The following DLG5 variants were observed in gnomAD, a reference collection of about 807,000 sequenced individuals.
The protein encoded by DLG5 is disks large homolog 5.
Under a neutral mutation model 189.8 loss-of-function variants are expected in DLG5, and 48 were observed. The observed-to-expected ratio is 0.25, with a 90% CI of 0.20 to 0.32. The LOEUF (loss-of-function observed/expected upper bound fraction) is 0.32, where lower values mean the gene tolerates loss of function less well. DLG5 is among the 10% of genes least tolerant of loss of function. DLG5 has a pLI of 1.00. For missense variants in DLG5, 2,160 were observed against 2,544.7 expected (o/e 0.85, Z 3.25); for synonymous variants, 1,016 against 1,054.1 (o/e 0.96, Z 0.70).
At chr10:77,824,302 C>T (rs147724226) in intron 14 of DLG5, 82 bp downstream of exon 14, 12,010 of 1,062,638 alleles carry the variant, frequency 0.011, 97 homozygotes, top group Non-Finnish European at 0.014. Context: ...ATCCTGTGAC[C>T]CCAAGGAGTA....
rs371263759 is a variant in DLG5 at position 77,842,705 on chromosome 10, A to C, written c.1125-512T>G. 9.2e-5 allele frequency among the ~76,000 whole-genome samples: 14 copies of C among 152,300 alleles called. No individual in the cohort carries two copies. The South Asian group carries it at 1.4e-3, about 16-fold the overall frequency. ...CCATGGCTCCAGACCAGCAATTCTC[A>C]GTGTGCTCCATAGACACCGGTTCTG... On this transcript the variant is annotated intron_variant, in intron 6 of 31. Coordinates refer to ENST00000372391, the MANE Select transcript of DLG5 (RefSeq NM_004747.4).
intron 27 of DLG5, among the ~76,000 whole-genome samples, chr10:77,797,035 G>A (rs1366658410): frequency 6.6e-6 from 1 of 152,194 alleles, no homozygotes; most frequent in Non-Finnish European, 1.5e-5. Flanking sequence ...TAGAACAGGT[G>A]AGTGCTGTGA....
At chr10:77,850,694 C>T (rs544705856) in intron 5 of DLG5, among the ~76,000 whole-genome samples, 1 of 152,262 alleles carries the variant, frequency 6.6e-6, no homozygotes, top group African/African-American at 2.4e-5. Context: ...AGATTTAAAC[C>T]CAGACTTGAC....
chr10:77,795,667 C>T (rs1305025350), intron 29 of DLG5, among the ~76,000 whole-genome samples: 2 of 151,844 alleles, frequency 1.3e-5, no homozygotes. Context: ...GGGGCAGGGA[C>T]CCTGAGGGAA....
At position 77,806,869 on chromosome 10, in the gene DLG5, A is replaced by G; in HGVS notation, c.4856T>C (p.Ile1619Thr). The G allele has an allele frequency of 6.2e-7, 1 of 1,614,038 alleles. No individual in the cohort carries two copies. Among genetic ancestry groups the G allele is most frequent in the Non-Finnish European group, 8.5e-7 (1 of 1,179,968 alleles). ...GGGTAAGGTGTCATCCACGTAGAGG[A>G]TGTCGTCCTTCTTAAAGCTCAACTC... ...EQELSFKKDD[I>T]LYVDDTLPQG... is the part of the protein sequence containing the mutation. Residue 1619 changes from isoleucine to threonine, a missense_variant, in exon 26 of 32, where the codon ATC becomes ACC. Physicochemically the swap from Ile to Thr is moderately conservative, Grantham distance 89 (BLOSUM62 -1). Coordinates refer to ENST00000372391, the MANE Select transcript of DLG5 (RefSeq NM_004747.4).
rs763924214 is a variant in DLG5, at chr10:77,834,005, G to C, written c.1657C>G (p.Arg553Gly). ...LCDNLRRERD[R>G]AVSELAEALR... Reference sequence around the variant, plus strand: ...GCCTCAGCCAGCTCGCTCACCGCACGGTCCCGCTCCCGCCTCAGGTTGTCA... The same window carrying C: ...GCCTCAGCCAGCTCGCTCACCGCACCGTCCCGCTCCCGCCTCAGGTTGTCA... The change falls in exon 9 of 32, where the codon CGT becomes GGT. Residue 553 changes from arginine (R) to glycine (G), a missense_variant. Arg to Gly is a moderately radical substitution (Grantham distance 125). This residue lies in a region of DLG5 where 664 missense variants were observed against 838.5 expected (regional missense o/e 0.79). Transcript: ENST00000372391. 1 of 1,609,352 alleles carries C rather than the reference G, an allele frequency of 6.2e-7. No individual in the cohort carries two copies. The highest frequency in any genetic ancestry group is 1.1e-5 in the South Asian group (1 of 91,058).
intron 5 of DLG5, among the ~76,000 whole-genome samples, chr10:77,846,342 A>C (rs1843691329): frequency 6.6e-6 from 1 of 152,218 alleles, no homozygotes; most frequent in Non-Finnish European, 1.5e-5. Context: ...CCACATCTGG[A>C]AAGGTCCAGC....
In DLG5 at chr10:77,809,607, C is replaced by T. The variant is rs1199958729; in HGVS notation, c.4587G>A (p.Val1529=). ...GNLHGVFVAE[V]EDDSPAKGPD... ...GACCCTTGGCAGGACTGTCATCCTCCACCTCGGCCACAAACACCCCATGCA... is the reference window on the plus strand; with the variant it reads ...GACCCTTGGCAGGACTGTCATCCTCTACCTCGGCCACAAACACCCCATGCA... The change falls in exon 24 of 32, where the codon GTG becomes GTA. Residue 1529 remains valine, a synonymous_variant. Coordinates refer to ENST00000372391, the MANE Select transcript of DLG5 (RefSeq NM_004747.4). The T allele has an allele frequency of 1.9e-6, 3 of 1,614,194 alleles. No individual in the cohort carries two copies. The Admixed American group carries it at 5.0e-5, about 27-fold the overall frequency.
intron 18 of DLG5, 132 bp downstream of exon 18, chr10:77,817,645 G>T (rs1842126754): frequency 4.0e-6 from 3 of 745,702 alleles, no homozygotes; most frequent in South Asian, 1.8e-5. Context: ...TCCCAGTAGA[G>T]AAATGAGCTC....
At chr10:77,797,945 G>C (rs981314498) in intron 27 of DLG5, among the ~76,000 whole-genome samples, 4 of 152,178 alleles carry the variant, frequency 2.6e-5, no homozygotes, top group Non-Finnish European at 5.9e-5. Context: ...CCAGCACTTT[G>C]GGAGGCTGAG....
intron 1 of DLG5, among the ~76,000 whole-genome samples, chr10:77,896,698 C>T (rs1016888677): frequency 4.0e-5 from 6 of 151,754 alleles, no homozygotes; most frequent in Non-Finnish European, 5.9e-5. Context: ...AAAAAATTTG[C>T]CGGGCATGGT....
intron 9 of DLG5, 25 bp downstream of exon 9, chr10:77,833,889 C>A (rs1205791027): frequency 6.9e-6 from 11 of 1,603,010 alleles, no homozygotes; most frequent in Non-Finnish European, 9.3e-6. Context: ...CATGCCCACT[C>A]CAGCGGGTGC....
chr10:77,858,748 G>C (rs935252597), intron 2 of DLG5, among the ~76,000 whole-genome samples: 1 of 152,104 alleles, frequency 6.6e-6, no homozygotes, highest in Non-Finnish European at 1.5e-5. Context: ...GAATATATTT[G>C]TGTCTTAGTT....
At chr10:77,826,724 G>A (rs2154575812) in intron 13 of DLG5, among the ~76,000 whole-genome samples, 1 of 152,306 alleles carries the variant, frequency 6.6e-6, no homozygotes, top group African/African-American at 2.4e-5. Context: ...AAGGCAGGTG[G>A]ATCACCTGAC....
At chr10:77,879,700 TG>T (rs1488630079) in intron 1 of DLG5, among the ~76,000 whole-genome samples, 1 of 150,790 alleles carries the variant, frequency 6.6e-6, no homozygotes, top group Admixed American at 6.6e-5. Context: ...ATAGGCCCAA[TG>T]TGGAATAGGA....
chr10:77,827,474 C>T (rs1297850417), intron 13 of DLG5, among the ~76,000 whole-genome samples: 2 of 152,214 alleles, frequency 1.3e-5, no homozygotes, highest in African/African-American at 4.8e-5. Flanking sequence ...GATCCACCCA[C>T]CTCGGCCTCC....
chr10:77,913,078 T>TA (rs908205131), intron 1 of DLG5, among the ~76,000 whole-genome samples: 2 of 151,958 alleles, frequency 1.3e-5, no homozygotes, highest in East Asian at 3.8e-4. Flanking sequence ...ACCTCATGGC[T>TA]AAAAAAAATA....
chr10:77,875,598 A>G (rs1031781854), intron 1 of DLG5, among the ~76,000 whole-genome samples: 1 of 152,154 alleles, frequency 6.6e-6, no homozygotes, highest in Non-Finnish European at 1.5e-5. Context: ...GCAAGCCTGC[A>G]CTCAAGAGCC....
At chr10:77,823,715 A>G (rs1339073434) in intron 14 of DLG5, among the ~76,000 whole-genome samples, 1 of 152,116 alleles carries the variant, frequency 6.6e-6, no homozygotes, top group Non-Finnish European at 1.5e-5. Context: ...TTTTTAGTAG[A>G]GACGGGGTTT....
Sources: allele counts gnomAD v4.1 joint callset (sites outside exome capture counted in the v4.1 genomes callset), GRCh38; gene constraint gnomAD v4.1.1; regional missense constraint gnomAD v4.1.1; transcripts MANE v1.5; gene names NCBI Gene and HGNC (gene_info 2026-07-23, HGNC 2026-07-21).